The following LTBP1 variants were observed in gnomAD, a reference collection of about 807,000 sequenced individuals.
LTBP1 encodes latent-transforming growth factor beta-binding protein 1.
A neutral mutation model predicts 207.6 loss-of-function variants in LTBP1; 129 were observed. The ratio of observed to expected loss-of-function variants is 0.62; its 90% CI spans 0.54 to 0.72. LTBP1 has a LOEUF of 0.72. LTBP1 is among the 30% of genes least tolerant of loss of function. The probability of loss-of-function intolerance (pLI) is 0.00; values close to 1 mark genes in which losing one functional copy is unlikely to be tolerated. For missense variants in LTBP1, 2,281 were observed against 2,217.2 expected, an observed-to-expected ratio of 1.03 and a Z score of -0.58; for synonymous variants, 963 against 833.7, an observed-to-expected ratio of 1.16 and a Z score of -2.67.
intron 5 of LTBP1, among the ~76,000 whole-genome samples, chr2:33,185,366 C>T (rs191728669): frequency 9.3e-4 from 141 of 152,154 alleles, no homozygotes; most frequent in African/African-American, 3.0e-3. Flanking sequence ...GGAGGGAAGA[C>T]GATGAGTTCA....
At chr2:33,108,155 T>C (rs2080172775) in intron 3 of LTBP1, among the ~76,000 whole-genome samples, 1 of 151,744 alleles carries the variant, frequency 6.6e-6, no homozygotes, top group Non-Finnish European at 1.5e-5. Context: ...GCTTGTAGGA[T>C]GAGTAATGGG....
At chr2:33,128,102 G>A (rs1032508352) in intron 4 of LTBP1, among the ~76,000 whole-genome samples, 18 of 152,170 alleles carry the variant, frequency 1.2e-4, no homozygotes, top group Non-Finnish European at 2.2e-4. Flanking sequence ...TTTAGCTTGT[G>A]AGTAAGCCAT....
chr2:33,334,604 T>G (rs2094533914), intron 24 of LTBP1, among the ~76,000 whole-genome samples: 1 of 152,130 alleles, frequency 6.6e-6, no homozygotes, highest in Non-Finnish European at 1.5e-5. Context: ...GACTCCCACA[T>G]TTTTGGGTAA....
chr2:33,334,262 C>T (rs2094529711), intron 24 of LTBP1, among the ~76,000 whole-genome samples: 1 of 152,194 alleles, frequency 6.6e-6, no homozygotes, highest in African/African-American at 2.4e-5. Flanking sequence ...GAAGGTGATG[C>T]AGGGGCAGAG....
rs752467301 is a variant in LTBP1, at chr2:33,243,730, C to T, written c.1945C>T (p.Arg649Ter). Residue 649 changes from arginine (R) to a stop codon, truncating the protein, a stop_gained, in exon 10 of 34, where the codon CGA (arginine) becomes TGA (stop). Coordinates refer to ENST00000404816, the MANE Select transcript of LTBP1 (RefSeq NM_206943.4). LOFTEE classifies it high-confidence loss of function. The part of the protein sequence containing the change: ...GECLNTMGSY[R>*]CTCKIGFGPD... ...GTGTTTGAATACCATGGGCAGCTAT[C>T]GATGTACCTGCAAAATAGGATTTGG... The T allele has an allele frequency of 1.2e-6, 2 of 1,613,264 alleles. No individual in the cohort carries two copies. Among genetic ancestry groups the T allele is most frequent in the Non-Finnish European group, 1.7e-6 (2 of 1,179,252 alleles).
intron 3 of LTBP1, among the ~76,000 whole-genome samples, chr2:33,069,142 A>T (rs1287801914): frequency 6.6e-6 from 1 of 152,192 alleles, no homozygotes; most frequent in Non-Finnish European, 1.5e-5. Context: ...GTTGAGCACA[A>T]TACATGACTG....
intron 31 of LTBP1, among the ~76,000 whole-genome samples, chr2:33,386,854 G>A (rs147524105): frequency 0.037 from 5,057 of 136,398 alleles, 304 homozygotes; most frequent in African/African-American, 0.13. Context: ...TTTTTGAGAC[G>A]GAGTCTCGCT....
chr2:33,138,451 T>G (rs969489227), intron 5 of LTBP1, among the ~76,000 whole-genome samples: 4 of 152,102 alleles, frequency 2.6e-5, no homozygotes, highest in South Asian at 2.1e-4. Flanking sequence ...TAATGACTTT[T>G]TTTTTTTTTG....
Position 33,252,785 on chromosome 2 carries a change from G to A in LTBP1, c.2108G>A (p.Cys703Tyr), listed in dbSNP as rs2092720010. 1.2e-6 allele frequency: 2 copies of A among 1,613,832 alleles called. No individual in the cohort carries two copies. The highest frequency in any genetic ancestry group is 1.7e-5 in the Admixed American group (1 of 59,998). The change falls in exon 11 of 34, where the codon TGT (cysteine) becomes TAT (tyrosine). Residue 703 changes from cysteine (C) to tyrosine (Y), a missense_variant. Coordinates refer to ENST00000404816, the MANE Select transcript of LTBP1 (RefSeq NM_206943.4). ...LSVHLTKQLC[C>Y]CSVGKAWGPH... ...GTTCACCTCACCAAGCAGCTCTGCT[G>A]TTGTAGTGTGGGCAAGGCCTGGGGC...
At chr2:33,051,804 T>A (rs1318476850) in intron 3 of LTBP1, among the ~76,000 whole-genome samples, 2 of 152,188 alleles carry the variant, frequency 1.3e-5, no homozygotes, top group Admixed American at 6.5e-5. Flanking sequence ...TACATCTTGC[T>A]CAATCTGCTA....
intron 15 of LTBP1, among the ~76,000 whole-genome samples, chr2:33,265,771 A>G (rs536453442): frequency 5.3e-4 from 81 of 152,266 alleles, no homozygotes; most frequent in African/African-American, 1.9e-3. Flanking sequence ...TAAACTGAAC[A>G]GTTATTTTTA....
intron 7 of LTBP1, among the ~76,000 whole-genome samples, chr2:33,206,536 C>T (rs922837098): frequency 6.6e-6 from 1 of 151,940 alleles, no homozygotes; most frequent in Non-Finnish European, 1.5e-5. Context: ...GTTAGGAGAT[C>T]GAGACCATCC....
At chr2:33,206,267 T>C (rs2089864002) in intron 7 of LTBP1, among the ~76,000 whole-genome samples, 2 of 152,188 alleles carry the variant, frequency 1.3e-5, no homozygotes, top group South Asian at 4.1e-4. Context: ...CAGGTAATTA[T>C]TAGTTTTGAG....
rs1309020323 is a variant in LTBP1 at position 33,315,279 on chromosome 2, A to C, written c.3730+10A>C. ...GGCCGTACGTGTGAAGGTAAGATAAACCATACGAAATCATATTGTTGTGTG... is the reference window on the plus strand; with the variant it reads ...GGCCGTACGTGTGAAGGTAAGATAACCCATACGAAATCATATTGTTGTGTG... On this transcript the variant is annotated intron_variant, in intron 24 of 33. Coordinates refer to ENST00000404816, the MANE Select transcript of LTBP1 (RefSeq NM_206943.4). 1 of 1,609,448 alleles carries C rather than the reference A, an allele frequency of 6.2e-7. No homozygotes were observed. The highest frequency in any genetic ancestry group is 1.1e-5 in the South Asian group (1 of 89,734).
chr2:32,960,106 T>G (rs905234754), intron 2 of LTBP1, among the ~76,000 whole-genome samples: 9 of 152,220 alleles, frequency 5.9e-5, no homozygotes, highest in African/African-American at 2.2e-4. Context: ...GATTCAAGGG[T>G]GAGGATACTC....
At chr2:33,277,599 TC>T (rs1402164929) in intron 18 of LTBP1, among the ~76,000 whole-genome samples, 1 of 151,802 alleles carries the variant, frequency 6.6e-6, no homozygotes, top group East Asian at 1.9e-4. Flanking sequence ...TCTTTAAATC[TC>T]CCCCCATCCC....
chr2:33,146,158 C>G (rs986199193), intron 5 of LTBP1, among the ~76,000 whole-genome samples: 7 of 152,178 alleles, frequency 4.6e-5, no homozygotes, highest in Admixed American at 1.3e-4. Flanking sequence ...AGTTTGGGCT[C>G]TATTTCAGCT....
intron 2 of LTBP1, among the ~76,000 whole-genome samples, chr2:32,997,863 C>G (rs1685523736): frequency 6.6e-6 from 1 of 152,160 alleles, no homozygotes; most frequent in Admixed American, 6.5e-5. Flanking sequence ...ATTCCAGGAA[C>G]CCAGCAGTTA....
intron 5 of LTBP1, among the ~76,000 whole-genome samples, chr2:33,177,981 C>T (rs1026216365): frequency 2.6e-5 from 4 of 152,210 alleles, no homozygotes; most frequent in African/African-American, 4.8e-5. Flanking sequence ...TCTGTACCCC[C>T]TGCAAGTGTT....
Sources: allele counts gnomAD v4.1 joint callset (sites outside exome capture counted in the v4.1 genomes callset), GRCh38; gene constraint gnomAD v4.1.1; transcripts MANE v1.5; gene names NCBI Gene and HGNC (gene_info 2026-07-23, HGNC 2026-07-21).